The following TRAF3IP3 variants were observed in gnomAD, a reference collection of about 807,000 sequenced individuals.
The protein encoded by TRAF3IP3 is TRAF3-interacting JNK-activating modulator.
TRAF3IP3 carries 64 observed loss-of-function variants against 86.5 expected under a neutral mutation model. That is an observed-to-expected ratio of 0.74 (90% CI 0.60 to 0.91). The LOEUF is 0.91. Ranked by LOEUF, TRAF3IP3 falls within the 40% of genes least tolerant of loss-of-function variation. The pLI is 0.00. For synonymous variants in TRAF3IP3, 220 were observed against 243.9 expected, an observed-to-expected ratio of 0.90 and a Z score of 0.91; for missense variants, 579 against 642.9, an observed-to-expected ratio of 0.90 and a Z score of 1.07.
At chr1:209,777,873 A>T (rs2102512788) in intron 12 of TRAF3IP3, 2 of 584,846 alleles carry the variant, frequency 3.4e-6, no homozygotes, top group South Asian at 4.3e-5. Flanking sequence ...GATAGAGAGG[A>T]CTAGATAGTG....
Position 209,772,947 on chromosome 1 carries a change from G to C in TRAF3IP3, c.703-1G>C. On this transcript the variant is annotated splice_acceptor_variant, in intron 8 of 16. Transcript: ENST00000367025. LOFTEE classifies it high-confidence loss of function. Reference sequence around the variant, plus strand: ...TCATTAACTCATCCCATTTGCTCCAGGGACAGCTTAATGAAGACAAACTGA... The same window carrying C: ...TCATTAACTCATCCCATTTGCTCCACGGACAGCTTAATGAAGACAAACTGA... 1 of 1,613,792 alleles carries C rather than the reference G, an allele frequency of 6.2e-7. No homozygotes were observed. Among genetic ancestry groups the C allele is most frequent in the Non-Finnish European group, 8.5e-7 (1 of 1,179,888 alleles).
intron 8 of TRAF3IP3, chr1:209,768,124 C>G (rs1383720073): frequency 2.0e-6 from 2 of 984,970 alleles, no homozygotes; most frequent in South Asian, 4.7e-5. Flanking sequence ...AAAAGTATAG[C>G]CCCAAACTGT....
chr1:209,770,015 G>A (rs1474187442), intron 8 of TRAF3IP3, among the ~76,000 whole-genome samples: 12 of 152,106 alleles, frequency 7.9e-5, no homozygotes, highest in Non-Finnish European at 2.9e-5. Flanking sequence ...ACAAAGGGAG[G>A]GGACAAAAAA....
intron 8 of TRAF3IP3, among the ~76,000 whole-genome samples, chr1:209,771,998 A>G (rs111321155): frequency 0.012 from 1,019 of 86,982 alleles, no homozygotes; most frequent in Middle Eastern, 0.1. Flanking sequence ...TGCAGGTGGA[A>G]GTGTATGTGT....
intron 8 of TRAF3IP3, among the ~76,000 whole-genome samples, chr1:209,772,523 C>T (rs1362518504): frequency 6.6e-6 from 1 of 152,002 alleles, no homozygotes; most frequent in Non-Finnish European, 1.5e-5. Flanking sequence ...AACATTCTCC[C>T]GGGAGGGGAG....
chr1:209,777,960 T>C, intron 12 of TRAF3IP3, 151 bp from the exon 13 acceptor site: 1 of 695,504 alleles, frequency 1.4e-6, no homozygotes, highest in South Asian at 1.9e-5. Flanking sequence ...GGTTTACCTC[T>C]TCAGAACTGG....
chr1:209,771,077 TG>T (rs2077494028), intron 8 of TRAF3IP3, among the ~76,000 whole-genome samples: 1 of 126,720 alleles, frequency 7.9e-6, no homozygotes, highest in African/African-American at 3.3e-5. Flanking sequence ...TGTGTGCAGG[TG>T]GAGGTGTGTG....
intron 15 of TRAF3IP3, 104 bp from the exon 16 acceptor site, chr1:209,781,241 G>A: frequency 1.5e-6 from 1 of 688,688 alleles, no homozygotes; most frequent in Non-Finnish European, 2.6e-6. Context: ...GGAAGATGGT[G>A]GTAAAAATTC....
At chr1:209,768,868 C>T (rs1036809358) in intron 8 of TRAF3IP3, among the ~76,000 whole-genome samples, 3 of 152,168 alleles carry the variant, frequency 2.0e-5, no homozygotes, top group Non-Finnish European at 4.4e-5. Context: ...AACTTGGCTG[C>T]GACTTTTATG....
chr1:209,775,805 T>C lies in TRAF3IP3; in HGVS notation c.1053+69T>C, dbSNP rs147672977. 4.8e-3 allele frequency: 7,180 copies of C among 1,490,722 alleles called. 78 individuals are homozygous for C. Among genetic ancestry groups the C allele is most frequent in the South Asian group, 0.026 (1,974 of 76,050 alleles). 92.3% of individuals were successfully genotyped at this position (1,490,722 alleles called of 1,614,324 possible). A position where few individuals can be genotyped will look rare whatever the true frequency, so the allele number is the denominator to read the frequency against. ...GGAGGGATGGTGATGAAAGAAGCTG[T>C]TCTGGATTAGGGACTCCAAAGGCAG... On this transcript the variant is annotated intron_variant, in intron 11 of 16. Transcript: ENST00000367025.
At position 209,760,392 on chromosome 1, in the gene TRAF3IP3, G is replaced by A. The variant is rs573710997; in HGVS notation, c.345+8G>A. 4.7e-5 allele frequency: 74 copies of A among 1,569,986 alleles called. 1 individual carries two copies. Among genetic ancestry groups the A allele is most frequent in the Admixed American group, 3.9e-4 (21 of 53,184 alleles). ...TCTTCTCCCAGAGAGCAGGTGGGCC[G>A]TGTCAAGGGACATACTGCTGTGTGC... is the stretch of plus-strand genomic sequence containing the variant. On this transcript the variant is annotated splice_region_variant and intron_variant, in intron 3 of 16. Transcript: ENST00000367025.
intron 16 of TRAF3IP3, chr1:209,781,692 TAA>T: frequency 2.0e-6 from 1 of 499,258 alleles, no homozygotes; most frequent in Non-Finnish European, 3.6e-6. Context: ...TACTCTTAGC[TAA>T]AGTATGAAAG....
At chr1:209,777,640 G>T (rs1175841902) in intron 12 of TRAF3IP3, 153 bp downstream of exon 12, 2 of 793,510 alleles carry the variant, frequency 2.5e-6, no homozygotes, top group Admixed American at 6.2e-5. Flanking sequence ...TGAGGGAGAG[G>T]CAGGACTGTT....
chr1:209,781,845 C>T, intron 16 of TRAF3IP3: 1 of 571,298 alleles, frequency 1.8e-6, no homozygotes, highest in Non-Finnish European at 3.1e-6. Flanking sequence ...TATCTGGTCC[C>T]TGATGGATAC....
intron 16 of TRAF3IP3, 48 bp downstream of exon 16, chr1:209,781,506 C>G (rs564576194): frequency 7.3e-7 from 1 of 1,371,690 alleles, no homozygotes; most frequent in African/African-American, 1.4e-5. Context: ...TGGGACGATT[C>G]CTTCTTTAAC....
At chr1:209,758,156 C>G (rs1008981239) in intron 1 of TRAF3IP3, among the ~76,000 whole-genome samples, 7 of 152,184 alleles carry the variant, frequency 4.6e-5, no homozygotes, top group Non-Finnish European at 1.0e-4. Flanking sequence ...ATGGGTCTCT[C>G]AGACCCTTTC....
chr1:209,781,237 T>C, intron 15 of TRAF3IP3, 108 bp from the exon 16 acceptor site: 1 of 663,044 alleles, frequency 1.5e-6, no homozygotes, highest in Non-Finnish European at 2.7e-6. Flanking sequence ...GAAGGGAAGA[T>C]GGTGGTAAAA....
chr1:209,762,898 A>G (rs1485688030), intron 5 of TRAF3IP3, 28 bp downstream of exon 5: 1 of 1,613,384 alleles, frequency 6.2e-7, no homozygotes, highest in Non-Finnish European at 8.5e-7. Context: ...ACCCTCTCAC[A>G]TCCCATCCAT....
At position 209,763,587 on chromosome 1, in the gene TRAF3IP3, G is replaced by C; in HGVS notation, c.702G>C (p.Lys234Asn). The change falls in exon 8 of 17, where the codon AAG becomes AAC. Residue 234 changes from lysine to asparagine, a missense_variant and splice_region_variant. Lys to Asn is a moderately conservative substitution (Grantham distance 94). Coordinates refer to ENST00000367025, the MANE Select transcript of TRAF3IP3 (RefSeq NM_025228.4). ...TLIQASDSSW[K>N]GQLNEDKLKG... ...TTCAGGCCTCTGACAGCTCTTGGAA[G>C]GTAAGGGAATGAAATTCTTTTTGAA... 6.2e-7 allele frequency: 1 copy of C among 1,611,046 alleles called. No homozygotes were observed. Among genetic ancestry groups the C allele is most frequent in the African/African-American group, 1.3e-5 (1 of 74,152 alleles).
Sources: allele counts gnomAD v4.1 joint callset (sites outside exome capture counted in the v4.1 genomes callset), GRCh38; gene constraint gnomAD v4.1.1; transcripts MANE v1.5; gene names NCBI Gene and HGNC (gene_info 2026-07-23, HGNC 2026-07-21).